TTC7B: variants seen among roughly 807,000 people sequenced by gnomAD.
TTC7B encodes the protein tetratricopeptide repeat domain 7B.
TTC7B carries 28 observed loss-of-function variants against 106.8 expected under a neutral mutation model. That is an observed-to-expected ratio of 0.26 (90% CI 0.19 to 0.36). The LOEUF is 0.36. Ranked by LOEUF, TTC7B falls within the 10% of genes least tolerant of loss-of-function variation. TTC7B has a pLI of 1.00. For missense variants in TTC7B, 862 were observed against 1,076.4 expected, an observed-to-expected ratio of 0.80 and a Z score of 2.79; for synonymous variants, 405 against 430.6, an observed-to-expected ratio of 0.94 and a Z score of 0.74.
Position 90,630,831 on chromosome 14 carries a change from G to GTTTTTTTTTTTTTTT in TTC7B, c.1752-12787_1752-12786insAAAAAAAAAAAAAAA, listed in dbSNP as rs201616174. ...ATCCATCAGAATGTCCTTCTATCTT[G>GTTTTTTTTTTTTTTT]TTTTTTGTTTTTTTTTTTTTTGAGA... is the stretch of plus-strand genomic sequence containing the variant. On this transcript the variant is annotated intron_variant, in intron 15 of 19. Coordinates refer to ENST00000328459, the MANE Select transcript of TTC7B (RefSeq NM_001010854.2). Among the ~76,000 whole-genome samples, 2 of 141,864 alleles carry GTTTTTTTTTTTTTTT rather than the reference G, an allele frequency of 1.4e-5. 1 individual carries two copies. Among genetic ancestry groups the GTTTTTTTTTTTTTTT allele is most frequent in the Non-Finnish European group, 3.1e-5 (2 of 64,702 alleles). The allele number at this position is 141,864 out of a possible 152,430, so 93.1% of individuals were successfully genotyped here.
chr14:90,684,551 GA>G (rs1183228804), intron 7 of TTC7B, among the ~76,000 whole-genome samples: 1 of 152,222 alleles, frequency 6.6e-6, no homozygotes, highest in African/African-American at 2.4e-5. Flanking sequence ...TCGCAGCAAT[GA>G]AAAACACTGC....
intron 7 of TTC7B, among the ~76,000 whole-genome samples, chr14:90,688,507 C>T (rs200409084): frequency 6.6e-6 from 1 of 151,840 alleles, no homozygotes; most frequent in African/African-American, 2.4e-5. Context: ...CCTGTAGTCC[C>T]AGCTACTTGG....
intron 15 of TTC7B, among the ~76,000 whole-genome samples, chr14:90,619,195 A>C (rs1893209945): frequency 6.6e-6 from 1 of 152,128 alleles, no homozygotes; most frequent in South Asian, 2.1e-4. Flanking sequence ...AGCCCCCAAA[A>C]ATCATTTTTG....
At chr14:90,791,684 C>T (rs1402464747) in intron 1 of TTC7B, among the ~76,000 whole-genome samples, 1 of 152,012 alleles carries the variant, frequency 6.6e-6, no homozygotes, top group Non-Finnish European at 1.5e-5. Context: ...TCCCTGTTCA[C>T]CCTCCCCCAT....
chr14:90,741,989 C>T (rs924161817), intron 4 of TTC7B, among the ~76,000 whole-genome samples: 6 of 152,288 alleles, frequency 3.9e-5, no homozygotes, highest in East Asian at 1.9e-4. Context: ...CGTGTACCTA[C>T]GCTGAGATTT....
At chr14:90,781,611 G>A (rs1891222335) in intron 2 of TTC7B, among the ~76,000 whole-genome samples, 1 of 152,166 alleles carries the variant, frequency 6.6e-6, no homozygotes, top group African/African-American at 2.4e-5. Flanking sequence ...CATCCTGGTG[G>A]GTCTGGCCAT....
At chr14:90,775,827 C>G (rs541758412) in intron 3 of TTC7B, among the ~76,000 whole-genome samples, 59 of 152,206 alleles carry the variant, frequency 3.9e-4, no homozygotes, top group African/African-American at 1.3e-3. Flanking sequence ...CAGAGCCAGT[C>G]CTCTGCTTTG....
At position 90,578,075 on chromosome 14, in the gene TTC7B, G is replaced by T. The variant is rs377042493; in HGVS notation, c.2310+31C>A. The stretch of plus-strand genomic sequence containing the variant: ...TTCCAAGGGCTGTCCCCATGCCAGA[G>T]TAGGGGCCACCGCCGGGCTCGTGGA... On this transcript the variant is annotated intron_variant, in intron 19 of 19. Coordinates refer to ENST00000328459, the MANE Select transcript of TTC7B (RefSeq NM_001010854.2). This position sits in a 1 kb window ranked among gnomAD's most constrained non-coding sequence, Gnocchi z 4.7. 9 of 1,579,488 alleles carry T rather than the reference G, an allele frequency of 5.7e-6. No individual in the cohort carries two copies. The highest frequency in any genetic ancestry group is 6.0e-6 in the Non-Finnish European group (7 of 1,162,404).
At chr14:90,778,689 C>T (rs8019954) in intron 3 of TTC7B, among the ~76,000 whole-genome samples, 41,115 of 152,156 alleles carry the variant, frequency 0.27, 9,082 homozygotes, top group African/African-American at 0.61. Flanking sequence ...CAGCACTCCC[C>T]GTAGCTCAGA....
intron 6 of TTC7B, among the ~76,000 whole-genome samples, chr14:90,694,678 T>TTTGTATTTTATTATAAAATATA: frequency 2.2e-5 from 1 of 45,970 alleles, no homozygotes; most frequent in African/African-American, 7.8e-5. Context: ...TATATGTATA[T>TTTGTATTTTATTATAAAATATA]TTTTATTTTA....
Position 90,577,620 on chromosome 14 carries a change from C to T in TTC7B, c.2310+486G>A, listed in dbSNP as rs1891311148. Among the ~76,000 whole-genome samples, 1 of 152,212 alleles carries T rather than the reference C, an allele frequency of 6.6e-6. No individual in the cohort carries two copies. Among genetic ancestry groups the T allele is most frequent in the Non-Finnish European group, 1.5e-5 (1 of 68,036 alleles). Reference sequence around the variant, plus strand: ...AGACACCCCCGCTGGTAGGATGCTCCCTCCCAGCCAATGGCCTCAGAGACA... The same window carrying T: ...AGACACCCCCGCTGGTAGGATGCTCTCTCCCAGCCAATGGCCTCAGAGACA... On this transcript the variant is annotated intron_variant, in intron 19 of 19. Transcript: ENST00000328459. This position sits in a 1 kb window ranked among gnomAD's most constrained non-coding sequence, Gnocchi z 5.0.
chr14:90,701,485 A>G (rs996249046), intron 5 of TTC7B, among the ~76,000 whole-genome samples: 1 of 151,880 alleles, frequency 6.6e-6, no homozygotes, highest in African/African-American at 2.4e-5. Context: ...AGGCGTGCAC[A>G]AGGCCTAAGA....
intron 4 of TTC7B, among the ~76,000 whole-genome samples, chr14:90,740,873 G>A (rs1007790726): frequency 5.9e-5 from 9 of 152,116 alleles, no homozygotes; most frequent in South Asian, 2.1e-4. Flanking sequence ...GAAATTGTCC[G>A]AGGTTAGGAA....
At chr14:90,616,467 C>T (rs770805393) in intron 16 of TTC7B, among the ~76,000 whole-genome samples, 9 of 151,676 alleles carry the variant, frequency 5.9e-5, no homozygotes, top group Non-Finnish European at 1.0e-4. Flanking sequence ...AGCAGCACAG[C>T]GCCGCGCCGC....
intron 1 of TTC7B, among the ~76,000 whole-genome samples, chr14:90,795,996 T>C (rs898875983): frequency 1.3e-5 from 2 of 152,104 alleles, no homozygotes; most frequent in African/African-American, 4.8e-5. Context: ...GGGAGCAGCA[T>C]CCCTAAGGCC....
chr14:90,743,916 T>C (rs1166535024), intron 4 of TTC7B, among the ~76,000 whole-genome samples: 6 of 152,226 alleles, frequency 3.9e-5, no homozygotes, highest in Non-Finnish European at 4.4e-5. Flanking sequence ...TGTCTGAGGC[T>C]GCGAGCTTAG....
chr14:90,711,782 T>C (rs1453573200), intron 5 of TTC7B, among the ~76,000 whole-genome samples: 1 of 152,116 alleles, frequency 6.6e-6, no homozygotes, highest in Non-Finnish European at 1.5e-5. Context: ...ATTTAAATGG[T>C]ATACTAAAAA....
chr14:90,644,097 C>A lies in TTC7B; in HGVS notation c.1702G>T (p.Ala568Ser), dbSNP rs376366081. The change falls in exon 15 of 20, where the codon GCT becomes TCT. Residue 568 changes from alanine to serine, a missense_variant. Coordinates refer to ENST00000328459, the MANE Select transcript of TTC7B (RefSeq NM_001010854.2). Reference protein sequence around the residue: ...LLSAQKHYHDALNIIDMALSE... With the variant: ...LLSAQKHYHDSLNIIDMALSE... ...AGGGCCATGTCGATGATGTTCAGAG[C>A]GTCATGGTAATGCTTCTGTGCTGAC... 6 of 1,614,030 alleles carry A rather than the reference C, an allele frequency of 3.7e-6. No homozygotes were observed. Among genetic ancestry groups the A allele is most frequent in the South Asian group, 1.1e-5 (1 of 91,068 alleles).
At chr14:90,676,694 A>T in intron 8 of TTC7B, 34 bp from the exon 9 acceptor site, 1 of 1,608,582 alleles carries the variant, frequency 6.2e-7, no homozygotes, top group Non-Finnish European at 8.5e-7. Flanking sequence ...GCAGATGGAG[A>T]GAGAACCTAG....
Sources: gnomAD v4.1 joint callset for allele counts (sites outside exome capture counted in the v4.1 genomes callset) on GRCh38, gnomAD v4.1.1 for gene constraint, Gnocchi (gnomAD v3.1) non-coding constraint, MANE v1.5 for transcripts, NCBI Gene and HGNC (gene_info 2026-07-23, HGNC 2026-07-21) for gene names.